Variants in AGO2 observed in about 807,000 individuals in gnomAD.
AGO2 encodes the protein argonaute RISC catalytic component 2.
In AGO2, 5 loss-of-function variants were observed where a neutral mutation model predicts 102.3. The ratio of observed to expected loss-of-function variants is 0.05; its 90% CI spans 0.03 to 0.10. AGO2 has a LOEUF of 0.10. Among genes scored for constraint, AGO2 ranks in the 10% least tolerant of loss-of-function variants. The pLI is 1.00. For missense variants in AGO2, 541 were observed against 1,183.7 expected, an observed-to-expected ratio of 0.46 and a Z score of 7.97; for synonymous variants, 449 against 473.1, an observed-to-expected ratio of 0.95 and a Z score of 0.66.
chr8:140,635,796 G>A (rs112545369), upstream of AGO2, among the ~76,000 whole-genome samples: 1 of 143,170 alleles, frequency 7.0e-6, no homozygotes, highest in Non-Finnish European at 1.6e-5. Flanking sequence ...GTCCGCGGCG[G>A]CGGCGGCGGC....
rs775425649 is a variant in AGO2, at chr8:140,585,319, G to A, written c.23-8C>T. The A allele has an allele frequency of 4.3e-6, 7 of 1,612,822 alleles. No homozygotes were observed. In the South Asian group the frequency reaches 6.6e-5, roughly 15 times the overall value. ...GCGCAGGAGGTGCAAGTGCTGGAAT[G>A]GCAGAGAGAACACCCATTAACGGGG... is the stretch of plus-strand genomic sequence containing the variant. On this transcript the variant is annotated splice_region_variant and splice_polypyrimidine_tract_variant and intron_variant, in intron 1 of 18. Coordinates refer to ENST00000220592, the MANE Select transcript of AGO2 (RefSeq NM_012154.5).
Position 140,627,431 on chromosome 8 carries a change from T to C in AGO2, c.22+8054A>G, listed in dbSNP as rs2074292287. On this transcript the variant is annotated intron_variant, in intron 1 of 18. Transcript: ENST00000220592. ...TGTGCAGCTGCAAGATGAAAGTTTC[T>C]AGTGGCTGCCTTCTGGCAGCAGAGT... 2.0e-5 allele frequency among the ~76,000 whole-genome samples: 3 copies of C among 152,214 alleles called. No individual in the cohort carries two copies. In the South Asian group the frequency reaches 6.2e-4, roughly 31 times the overall value.
intron 4 of AGO2, among the ~76,000 whole-genome samples, chr8:140,560,946 G>A (rs1018963645): frequency 6.6e-6 from 1 of 152,242 alleles, no homozygotes; most frequent in Non-Finnish European, 1.5e-5. Flanking sequence ...CAGCCGTGGG[G>A]AGACGTGTTG....
chr8:140,529,812 A>C lies in AGO2; in HGVS notation c.*2232T>G, dbSNP rs920127838. On this transcript the variant is annotated 3_prime_UTR_variant, in exon 19 of 19. Coordinates refer to ENST00000220592, the MANE Select transcript of AGO2 (RefSeq NM_012154.5). ...AGGCCCACAAATCTGCATGTTAAAC[A>C]AGAACCGCCATCCCCCAGACAGCCT... is the stretch of plus-strand genomic sequence containing the variant. 3 of 152,236 alleles carry C rather than the reference A, an allele frequency of 2.0e-5. No individual in the cohort carries two copies. Among genetic ancestry groups the C allele is most frequent in the African/African-American group, 7.2e-5 (3 of 41,460 alleles). 9.4% of individuals were successfully genotyped at this position (152,236 alleles called of 1,614,324 possible).
rs538247225 is a variant in AGO2 at position 140,590,412 on chromosome 8, C to T, written c.23-5101G>A. Among the ~76,000 whole-genome samples, 5 of 152,244 alleles carry T rather than the reference C, an allele frequency of 3.3e-5. No individual in the cohort carries two copies. In the South Asian group the frequency reaches 6.2e-4, roughly 19 times the overall value. On this transcript the variant is annotated intron_variant, in intron 1 of 18. Transcript: ENST00000220592. ...TGCCCAAACACGGACGCCGAGGAAG[C>T]GGAGGCACAGATGGGGGTCCCAGGT... is the stretch of plus-strand genomic sequence containing the variant.
intron 1 of AGO2, among the ~76,000 whole-genome samples, chr8:140,619,364 T>C (rs898336856): frequency 2.6e-5 from 4 of 152,184 alleles, no homozygotes; most frequent in African/African-American, 9.6e-5. Flanking sequence ...AATGATCCAC[T>C]GAATGTCTTA....
At chr8:140,609,049 C>T (rs1157902326) in intron 1 of AGO2, among the ~76,000 whole-genome samples, 2 of 152,236 alleles carry the variant, frequency 1.3e-5, no homozygotes, top group African/African-American at 4.8e-5. Flanking sequence ...GTAAGCATCT[C>T]TTGGAGGCTC....
Position 140,539,024 on chromosome 8 carries a change from G to A in AGO2, c.2169+296C>T, listed in dbSNP as rs1227152401. 1.3e-5 allele frequency among the ~76,000 whole-genome samples: 2 copies of A among 152,196 alleles called. No individual in the cohort carries two copies. Among genetic ancestry groups the A allele is most frequent in the African/African-American group, 4.8e-5 (2 of 41,444 alleles). On this transcript the variant is annotated intron_variant, in intron 16 of 18. Coordinates refer to ENST00000220592, the MANE Select transcript of AGO2 (RefSeq NM_012154.5). The surrounding 1 kb of genome is among the most constrained non-coding windows in gnomAD (Gnocchi z 4.7). ...AGGCTGACGTGGGAAGATCACTTGA[G>A]CCCAGGAGATAGAGGCTGCAGTAAG...
chr8:140,591,170 T>C (rs137961062), intron 1 of AGO2, among the ~76,000 whole-genome samples: 79 of 152,358 alleles, frequency 5.2e-4, no homozygotes, highest in African/African-American at 1.8e-3. Context: ...AGCACTTCTG[T>C]GTTCTGCAGG....
chr8:140,603,837 C>T (rs558598693), intron 1 of AGO2, among the ~76,000 whole-genome samples: 98 of 152,362 alleles, frequency 6.4e-4, no homozygotes, highest in African/African-American at 2.3e-3. Flanking sequence ...TCCACAGACT[C>T]CACATCAGCC....
At chr8:140,623,392 C>T (rs553226636) in intron 1 of AGO2, among the ~76,000 whole-genome samples, 17 of 152,134 alleles carry the variant, frequency 1.1e-4, no homozygotes, top group Non-Finnish European at 1.9e-4. Context: ...ATGCGCTACA[C>T]GCCACTGAAT....
chr8:140,601,053 C>T (rs1335387268), intron 1 of AGO2, among the ~76,000 whole-genome samples: 3 of 152,240 alleles, frequency 2.0e-5, no homozygotes, highest in Non-Finnish European at 4.4e-5. Flanking sequence ...CTACCAGGGC[C>T]CCCTGTGTCC....
intron 17 of AGO2, 53 bp from the exon 18 acceptor site, chr8:140,532,668 G>A (rs1303045330): frequency 6.5e-7 from 1 of 1,533,802 alleles, no homozygotes; most frequent in African/African-American, 1.4e-5. Flanking sequence ...TCTTTAAAAG[G>A]ATACTGTGGA....
chr8:140,552,616 C>T (rs1196158958), intron 10 of AGO2, among the ~76,000 whole-genome samples: 1 of 152,176 alleles, frequency 6.6e-6, no homozygotes, highest in Non-Finnish European at 1.5e-5. Context: ...TGCCTGTTCC[C>T]ACCAGCCTCC....
chr8:140,562,432 G>C (rs761816201), intron 4 of AGO2, 21 bp downstream of exon 4: 4 of 1,598,950 alleles, frequency 2.5e-6, no homozygotes, highest in Admixed American at 3.4e-5. Context: ...CCCCGCCCTT[G>C]GTCCCGTGTG....
chr8:140,547,634 G>T lies in AGO2; in HGVS notation c.1589-7C>A. On this transcript the variant is annotated splice_polypyrimidine_tract_variant and splice_region_variant and intron_variant, in intron 12 of 18. Transcript: ENST00000220592. ...CCCACGCGCTTGACCTCGGCTAAGG[G>T]ACATGAGAGGCACACACAGCTCTGC... 6.2e-7 allele frequency: 1 copy of T among 1,609,118 alleles called. No individual in the cohort carries two copies. Among genetic ancestry groups the T allele is most frequent in the South Asian group, 1.1e-5 (1 of 90,762 alleles).
At chr8:140,553,443 CTT>C (rs1327496557) in intron 10 of AGO2, among the ~76,000 whole-genome samples, 1 of 127,224 alleles carries the variant, frequency 7.9e-6, no homozygotes, top group African/African-American at 3.2e-5. Flanking sequence ...GAGTTTCGCT[CTT>C]GTTGCCCAGG....
intron 4 of AGO2, 27 bp downstream of exon 4, chr8:140,562,426 G>A (rs768524207): frequency 2.7e-5 from 43 of 1,592,878 alleles, no homozygotes; most frequent in Middle Eastern, 2.2e-4. Context: ...GGAGTCCCCC[G>A]CCCTTGGTCC....
rs201494582 is a variant in AGO2, at chr8:140,566,268, TTC to T, written c.337-3636_337-3635del. Among the ~76,000 whole-genome samples, 3 of 152,322 alleles carry T rather than the reference TTC, an allele frequency of 2.0e-5. No homozygotes were observed. The East Asian group carries it at 5.8e-4, about 29-fold the overall frequency. ...GGTTTCTGCTTTTGCTTCTTCGTCA[TTC>T]TCTCTTGCTGCCGCCATGTAAGAAG... On this transcript the variant is annotated intron_variant, in intron 3 of 18. Coordinates refer to ENST00000220592, the MANE Select transcript of AGO2 (RefSeq NM_012154.5).
Sources: gnomAD v4.1 joint callset for allele counts (sites outside exome capture counted in the v4.1 genomes callset) on GRCh38, gnomAD v4.1.1 for gene constraint, Gnocchi (gnomAD v3.1) non-coding constraint, MANE v1.5 for transcripts, NCBI Gene and HGNC (gene_info 2026-07-23, HGNC 2026-07-21) for gene names.